Variants in RAB12 observed in about 807,000 individuals in gnomAD.
The protein encoded by RAB12 is RAB12, member RAS oncogene family, also known as ras-related protein Rab-12.
A neutral mutation model predicts 28.4 loss-of-function variants in RAB12; 11 were observed. The ratio of observed to expected loss-of-function variants is 0.39; its 90% CI spans 0.24 to 0.64. The LOEUF is 0.64. Ranked by LOEUF, RAB12 falls within the 30% of genes least tolerant of loss-of-function variation. The probability of loss-of-function intolerance (pLI) is 0.50; values close to 1 mark genes in which losing one functional copy is unlikely to be tolerated. For synonymous variants in RAB12, 138 were observed against 145.3 expected (o/e 0.95, Z 0.36); for missense variants, 276 against 351.1 (o/e 0.79, Z 1.71).
chr18:8,613,829 A>AAGTAGTAGTAGTAGTAGT (rs3050584), intron 1 of RAB12, among the ~76,000 whole-genome samples: 2 of 148,656 alleles, frequency 1.3e-5, no homozygotes, highest in Admixed American at 6.7e-5. Context: ...CTATAAATAG[A>AAGTAGTAGTAGTAGTAGT]AGTAGTAGTA....
In RAB12 at chr18:8,638,517, A is replaced by C. The variant is rs1464514306; in HGVS notation, c.*255A>C. ...ATACACTGGGAAACCTAGTACTTCT[A>C]ATATGAAGAATGGGAGAAATGAAAG... On this transcript the variant is annotated 3_prime_UTR_variant, in exon 6 of 6. Coordinates refer to ENST00000649141, the MANE Select transcript of RAB12 (RefSeq NM_001025300.3). The C allele has an allele frequency of 1.4e-5, 5 of 360,714 alleles. No individual in the cohort carries two copies. The allele number at this position is 360,714 out of a possible 1,614,324, so 22.3% of individuals were successfully genotyped here.
intron 1 of RAB12, 111 bp from the exon 2 acceptor site, chr18:8,624,827 G>A: frequency 1.4e-6 from 1 of 729,022 alleles, no homozygotes; most frequent in Non-Finnish European, 2.4e-6. Context: ...CAGGTTTCGT[G>A]GGGTTTTCTT....
chr18:8,628,717 C>T (rs1270301146), intron 2 of RAB12, among the ~76,000 whole-genome samples: 1 of 152,194 alleles, frequency 6.6e-6, no homozygotes, highest in Non-Finnish European at 1.5e-5. Flanking sequence ...TTCTAAGATT[C>T]CTGAGTATGC....
chr18:8,623,355 G>A (rs1185575823), intron 1 of RAB12, among the ~76,000 whole-genome samples: 1 of 152,194 alleles, frequency 6.6e-6, no homozygotes, highest in African/African-American at 2.4e-5. Flanking sequence ...CCCTCCGTTT[G>A]GGGTCCCTGA....
intron 1 of RAB12, among the ~76,000 whole-genome samples, chr18:8,617,538 G>A (rs1209505108): frequency 6.6e-6 from 1 of 151,980 alleles, no homozygotes; most frequent in Non-Finnish European, 1.5e-5. Flanking sequence ...TTTCAGATGG[G>A]GGTTTGTCTG....
Position 8,616,720 on chromosome 18 carries a change from A to C in RAB12, c.514+6767A>C, listed in dbSNP as rs929725306. On this transcript the variant is annotated intron_variant, in intron 1 of 5. Coordinates refer to ENST00000649141, the MANE Select transcript of RAB12 (RefSeq NM_001025300.3). ...TTAATTTTTTACTTAAAAAGAAAAA[A>C]GAGCAGCCTGGGCTACATGGCGAAA... Among the ~76,000 whole-genome samples, 4 of 152,064 alleles carry C rather than the reference A, an allele frequency of 2.6e-5. No individual in the cohort carries two copies. In the South Asian group the frequency reaches 8.3e-4, roughly 32 times the overall value.
intron 5 of RAB12, among the ~76,000 whole-genome samples, chr18:8,637,710 A>T (rs750064347): frequency 2.0e-5 from 3 of 152,216 alleles, no homozygotes; most frequent in Non-Finnish European, 2.9e-5. Context: ...AACGACTAAA[A>T]GCCTATCACT....
At chr18:8,637,777 T>C (rs893981298) in intron 5 of RAB12, among the ~76,000 whole-genome samples, 21 of 152,216 alleles carry the variant, frequency 1.4e-4, no homozygotes, top group African/African-American at 5.1e-4. Flanking sequence ...TTGTATGTTA[T>C]ACGTATTTTA....
chr18:8,626,706 C>A lies in RAB12; in HGVS notation c.575+1708C>A, dbSNP rs903441837. ...GATACTGTGGCTCCACGAAGAGCAGCGGGCACTCAGAAACCATTTTTCTCT... is the reference window on the plus strand; with the variant it reads ...GATACTGTGGCTCCACGAAGAGCAGAGGGCACTCAGAAACCATTTTTCTCT... On this transcript the variant is annotated intron_variant, in intron 2 of 5. Transcript: ENST00000649141. Among the ~76,000 whole-genome samples, 3 of 152,214 alleles carry A rather than the reference C, an allele frequency of 2.0e-5. No individual in the cohort carries two copies. In the East Asian group the frequency reaches 5.8e-4, roughly 29 times the overall value.
chr18:8,609,983 G>T, intron 1 of RAB12, 30 bp downstream of exon 1: 1 of 1,561,050 alleles, frequency 6.4e-7, no homozygotes, highest in Non-Finnish European at 8.8e-7. Flanking sequence ...CCTGGGCCGG[G>T]CCTCCTGGCG....
intron 1 of RAB12, among the ~76,000 whole-genome samples, chr18:8,617,452 G>GT (rs77242592): frequency 0.029 from 4,160 of 143,634 alleles, 69 homozygotes; most frequent in South Asian, 0.046. Context: ...TTTGATCATG[G>GT]TTTTTTTTTT....
chr18:8,626,878 C>G (rs2096013006), intron 2 of RAB12, among the ~76,000 whole-genome samples: 1 of 152,336 alleles, frequency 6.6e-6, no homozygotes, highest in East Asian at 1.9e-4. Context: ...ATGGATTGGA[C>G]TTACGGAATG....
At chr18:8,625,459 G>A (rs1054246112) in intron 2 of RAB12, among the ~76,000 whole-genome samples, 3 of 152,156 alleles carry the variant, frequency 2.0e-5, no homozygotes, top group South Asian at 2.1e-4. Flanking sequence ...CTATTACTGC[G>A]GGTGGGCATA....
chr18:8,633,519 C>G (rs2096017134), intron 3 of RAB12, among the ~76,000 whole-genome samples, 192 bp downstream of exon 3: 1 of 152,112 alleles, frequency 6.6e-6, no homozygotes, highest in Non-Finnish European at 1.5e-5. Context: ...TTAAATTTAT[C>G]CAGAATCAGG....
intron 1 of RAB12, among the ~76,000 whole-genome samples, chr18:8,613,005 G>T (rs1344753586): frequency 6.6e-6 from 1 of 152,232 alleles, no homozygotes; most frequent in Non-Finnish European, 1.5e-5. Flanking sequence ...TTCTATAAAA[G>T]ATCCGTAGTG....
intron 1 of RAB12, among the ~76,000 whole-genome samples, chr18:8,620,954 CAG>C (rs1159225942): frequency 6.6e-6 from 1 of 152,200 alleles, no homozygotes; most frequent in East Asian, 1.9e-4. Flanking sequence ...ACAGCAAAGA[CAG>C]ATGCTTTGCC....
chr18:8,626,067 T>C (rs888515), intron 2 of RAB12, among the ~76,000 whole-genome samples: 18,281 of 152,202 alleles, frequency 0.12, 1,310 homozygotes, highest in Admixed American at 0.17. Context: ...TTTTTGTTCG[T>C]TTTCTTTTCT....
intron 1 of RAB12, among the ~76,000 whole-genome samples, chr18:8,619,878 C>T (rs1360278916): frequency 6.6e-6 from 1 of 152,140 alleles, no homozygotes. Context: ...GGCACAGTTG[C>T]TCATGCCTAT....
At chr18:8,610,258 G>A (rs916595274) in intron 1 of RAB12, among the ~76,000 whole-genome samples, 2 of 152,186 alleles carry the variant, frequency 1.3e-5, no homozygotes, top group Admixed American at 1.3e-4. Flanking sequence ...ACTCGCCCAA[G>A]AAAAAGCTGG....
Sources: allele counts gnomAD v4.1 joint callset (sites outside exome capture counted in the v4.1 genomes callset), GRCh38; gene constraint gnomAD v4.1.1; transcripts MANE v1.5; gene names NCBI Gene and HGNC (gene_info 2026-07-23, HGNC 2026-07-21).